The following WDTC1 variants were observed in gnomAD, a reference collection of about 807,000 sequenced individuals.
WDTC1 encodes the protein WD and tetratricopeptide repeats protein 1.
Under a neutral mutation model 76.0 loss-of-function variants are expected in WDTC1, and 12 were observed. The ratio of observed to expected loss-of-function variants is 0.16; its 90% CI spans 0.10 to 0.26. WDTC1 has a LOEUF of 0.26. WDTC1 is among the 10% of genes least tolerant of loss of function. The pLI is 1.00. For synonymous variants in WDTC1, 326 were observed against 350.8 expected (o/e 0.93, Z 0.79); for missense variants, 511 against 908.8 (o/e 0.56, Z 5.63).
intron 5 of WDTC1, among the ~76,000 whole-genome samples, chr1:27,285,705 G>A (rs113895592): frequency 0.037 from 5,606 of 150,880 alleles, 353 homozygotes; most frequent in African/African-American, 0.13. Context: ...CGCTGCCTCA[G>A]CCTCCCGAGT....
intron 3 of WDTC1, among the ~76,000 whole-genome samples, chr1:27,276,719 A>T (rs201024222): frequency 5.4e-4 from 78 of 144,150 alleles, no homozygotes; most frequent in East Asian, 3.1e-3. Context: ...AGAAAAAAAA[A>T]TTTTTTTTTT....
intron 1 of WDTC1, among the ~76,000 whole-genome samples, chr1:27,243,459 C>T (rs1477744980): frequency 6.6e-6 from 1 of 151,710 alleles, no homozygotes; most frequent in African/African-American, 2.4e-5. Context: ...GTGATCTGCC[C>T]GCCTTGGCCT....
Position 27,261,211 on chromosome 1 carries a change from C to T in WDTC1, c.48+109C>T, listed in dbSNP as rs552604879. 119 of 1,303,042 alleles carry T rather than the reference C, an allele frequency of 9.1e-5. No individual in the cohort carries two copies. The South Asian group carries it at 1.4e-3, about 16-fold the overall frequency. The allele number at this position is 1,303,042 out of a possible 1,614,324, so 80.7% of individuals were successfully genotyped here. ...ATAGTCTGTGACTTGCCTAAAGTCA[C>T]GTAGCTAGTTAGTGGCAGACCCAGG... On this transcript the variant is annotated intron_variant, in intron 2 of 15. Transcript: ENST00000319394.
At chr1:27,294,877 A>C (rs965509804) in intron 9 of WDTC1, among the ~76,000 whole-genome samples, 1 of 152,230 alleles carries the variant, frequency 6.6e-6, no homozygotes, top group African/African-American at 2.4e-5. Flanking sequence ...TTGGTTAAGA[A>C]TATAGGCTTT....
Position 27,294,057 on chromosome 1 carries a change from A to G in WDTC1, c.698A>G (p.His233Arg). 1 of 1,614,100 alleles carries G rather than the reference A, an allele frequency of 6.2e-7. No individual in the cohort carries two copies. Among genetic ancestry groups the G allele is most frequent in the South Asian group, 1.1e-5 (1 of 91,088 alleles). ...AAGCAGAGCCCTTCAGCGGGTGTGC[A>G]CACCTTCTGTGACCGGCAGAAACCC... The part of the protein sequence containing the change: ...SMKQSPSAGV[H>R]TFCDRQKPLP... The change falls in exon 8 of 16, where the codon CAC (histidine) becomes CGC (arginine). Residue 233 changes from histidine (H) to arginine (R), a missense_variant. Transcript: ENST00000319394.
chr1:27,268,210 G>A (rs1277267758), intron 3 of WDTC1, among the ~76,000 whole-genome samples: 1 of 152,090 alleles, frequency 6.6e-6, no homozygotes, highest in African/African-American at 2.4e-5. Context: ...TGAGGCTGTG[G>A]CAGGTGGATC....
intron 1 of WDTC1, among the ~76,000 whole-genome samples, chr1:27,250,563 C>G (rs927758517): frequency 6.6e-6 from 1 of 152,162 alleles, no homozygotes; most frequent in Non-Finnish European, 1.5e-5. Context: ...ATTTAAGTAA[C>G]TTCCCTATGT....
At chr1:27,278,668 A>G (rs1313349007) in intron 3 of WDTC1, among the ~76,000 whole-genome samples, 1 of 152,192 alleles carries the variant, frequency 6.6e-6, no homozygotes, top group Non-Finnish European at 1.5e-5. Context: ...TGGCATTATC[A>G]GGCCTGTTAT....
chr1:27,248,746 ACCT>A (rs2147911979), intron 1 of WDTC1, among the ~76,000 whole-genome samples: 1 of 152,038 alleles, frequency 6.6e-6, no homozygotes, highest in Non-Finnish European at 1.5e-5. Flanking sequence ...TGTAGCCGAA[ACCT>A]CCTGGGCTCA....
At chr1:27,262,748 T>C (rs1331909897) in intron 2 of WDTC1, among the ~76,000 whole-genome samples, 3 of 152,142 alleles carry the variant, frequency 2.0e-5, no homozygotes, top group Non-Finnish European at 2.9e-5. Context: ...TTCATTAGAC[T>C]GAGTGGTCCT....
rs1393449674 is a variant in WDTC1 at position 27,285,560 on chromosome 1, C to G, written c.291+2111C>G. Among the ~76,000 whole-genome samples the G allele has an allele frequency of 3.3e-5, 5 of 152,084 alleles. No individual in the cohort carries two copies. The East Asian group carries it at 5.8e-4, about 18-fold the overall frequency. On this transcript the variant is annotated intron_variant, in intron 5 of 15. Transcript: ENST00000319394. ...TCACACGAGAATTCAACACCACTCC[C>G]AAATATTTTTTATCCTCAAAGTTAT...
At chr1:27,239,155 C>G (rs1304565322) in intron 1 of WDTC1, among the ~76,000 whole-genome samples, 6 of 150,116 alleles carry the variant, frequency 4.0e-5, no homozygotes, top group African/African-American at 1.5e-4. Flanking sequence ...CTGCCTACCT[C>G]AGCCTCCCAA....
intron 1 of WDTC1, among the ~76,000 whole-genome samples, chr1:27,246,853 C>T (rs2011854552): frequency 6.7e-6 from 1 of 150,328 alleles, no homozygotes; most frequent in Non-Finnish European, 1.5e-5. Context: ...TGAGCCACCA[C>T]GCCCAGCCAT....
rs61789302 is a variant in WDTC1, at chr1:27,258,035, C to T, written c.-99-2921C>T. ...CAAACTCCTGACCTCGTGATCCGCC[C>T]GCCTCGGCCTCCCAAAGTGCTGAGA... is the stretch of plus-strand genomic sequence containing the variant. On this transcript the variant is annotated intron_variant, in intron 1 of 15. Transcript: ENST00000319394. 9.2e-3 allele frequency among the ~76,000 whole-genome samples: 1,398 copies of T among 151,946 alleles called. 8 individuals are homozygous for T. The highest frequency in any genetic ancestry group is 0.015 in the Non-Finnish European group (988 of 67,940).
intron 5 of WDTC1, 132 bp from the exon 6 acceptor site, chr1:27,287,542 G>T (rs1464963790): frequency 5.8e-6 from 6 of 1,032,050 alleles, no homozygotes; most frequent in Admixed American, 5.2e-5. Flanking sequence ...ATGAGCCACC[G>T]CGCCCAGCCT....
intron 3 of WDTC1, among the ~76,000 whole-genome samples, chr1:27,264,209 A>C (rs1048433852): frequency 6.6e-6 from 1 of 151,934 alleles, no homozygotes; most frequent in Non-Finnish European, 1.5e-5. Context: ...AATTGCTTGA[A>C]CCCAGGAGGC....
chr1:27,249,838 C>T (rs1050207454), intron 1 of WDTC1, among the ~76,000 whole-genome samples: 2 of 152,040 alleles, frequency 1.3e-5, no homozygotes, highest in Non-Finnish European at 2.9e-5. Flanking sequence ...CCTCCCAAAG[C>T]GCTGGGATTA....
At chr1:27,289,657 A>C (rs1357708072) in intron 6 of WDTC1, among the ~76,000 whole-genome samples, 1 of 152,104 alleles carries the variant, frequency 6.6e-6, no homozygotes, top group Non-Finnish European at 1.5e-5. Flanking sequence ...AGGTTGTAGC[A>C]AGCCGAGATC....
chr1:27,275,567 G>A (rs937018466), intron 3 of WDTC1, among the ~76,000 whole-genome samples: 11 of 150,654 alleles, frequency 7.3e-5, no homozygotes, highest in African/African-American at 2.0e-4. Context: ...GCAGTGAGCC[G>A]AGATTGCACC....
Sources: gnomAD v4.1 joint callset for allele counts (sites outside exome capture counted in the v4.1 genomes callset) on GRCh38, gnomAD v4.1.1 for gene constraint, MANE v1.5 for transcripts, NCBI Gene and HGNC (gene_info 2026-07-23, HGNC 2026-07-21) for gene names.